The following RAD52 variants were observed in gnomAD, a reference collection of about 807,000 sequenced individuals.
RAD52 encodes the protein RAD52 DNA repair protein, also known as DNA repair protein RAD52 homolog.
In RAD52, 47 loss-of-function variants were observed where a neutral mutation model predicts 55.5. The observed-to-expected ratio is 0.85, with a 90% CI of 0.67 to 1.08. The LOEUF (loss-of-function observed/expected upper bound fraction) is 1.08. RAD52 is among the 50% of genes least tolerant of loss of function. The pLI is 0.00. For synonymous variants in RAD52, 184 were observed against 198.9 expected, an observed-to-expected ratio of 0.92 and a Z score of 0.63; for missense variants, 468 against 522.8, an observed-to-expected ratio of 0.90 and a Z score of 1.02.
At chr12:926,806 C>T (rs1208787405) in intron 6 of RAD52, 10 of 1,536,644 alleles carry the variant, frequency 6.5e-6, no homozygotes, top group South Asian at 2.4e-5. Context: ...CTGTGCGTAG[C>T]GGAGGACTGC....
intron 7 of RAD52, among the ~76,000 whole-genome samples, chr12:920,953 A>G (rs1455934852): frequency 1.3e-5 from 2 of 152,218 alleles, no homozygotes; most frequent in Non-Finnish European, 2.9e-5. Flanking sequence ...TATCTTTTCA[A>G]TCACAATGGA....
intron 1 of RAD52, among the ~76,000 whole-genome samples, chr12:989,436 C>T (rs1592508825): frequency 6.6e-6 from 1 of 152,244 alleles, no homozygotes; most frequent in South Asian, 2.1e-4. Flanking sequence ...TATGGGGTCT[C>T]AGGAAGAAGA....
At chr12:958,421 G>A (rs151257307) in intron 1 of RAD52, among the ~76,000 whole-genome samples, 101 of 152,146 alleles carry the variant, frequency 6.6e-4, no homozygotes, top group African/African-American at 2.1e-3. Context: ...TCACCATGTT[G>A]GCCAGGCTGG....
chr12:914,756 A>C (rs942398366), intron 9 of RAD52, among the ~76,000 whole-genome samples: 1 of 152,180 alleles, frequency 6.6e-6, no homozygotes, highest in Non-Finnish European at 1.5e-5. Context: ...TGGGAAAAAC[A>C]AGTTTCTTTC....
intron 1 of RAD52, chr12:974,165 A>G (rs1471606871): frequency 6.6e-6 from 1 of 152,120 alleles, no homozygotes; most frequent in Non-Finnish European, 1.5e-5. Context: ...TTATTTTTGA[A>G]CACATAAGAC....
intron 1 of RAD52, among the ~76,000 whole-genome samples, chr12:943,545 C>T (rs1351187151): frequency 6.6e-6 from 1 of 152,160 alleles, no homozygotes; most frequent in Non-Finnish European, 1.5e-5. Context: ...GATGGGGTTT[C>T]ACTATATTGC....
intron 1 of RAD52, among the ~76,000 whole-genome samples, chr12:960,922 G>C (rs966127860): frequency 6.6e-6 from 1 of 152,158 alleles, no homozygotes; most frequent in African/African-American, 2.4e-5. Context: ...CTGAAGCCAT[G>C]GGAGTAGGTA....
intron 1 of RAD52, among the ~76,000 whole-genome samples, chr12:937,886 C>T (rs1957721073): frequency 6.6e-6 from 1 of 152,172 alleles, no homozygotes. Flanking sequence ...GGCAGCAGCC[C>T]TCAAATGGTG....
intron 1 of RAD52, among the ~76,000 whole-genome samples, chr12:973,506 C>T (rs1015590728): frequency 1.3e-5 from 2 of 151,480 alleles, no homozygotes; most frequent in Non-Finnish European, 2.9e-5. Flanking sequence ...TAAACACAGT[C>T]TGGCTCTGTT....
chr12:926,610 A>T (rs1957050071), intron 6 of RAD52, among the ~76,000 whole-genome samples: 1 of 152,148 alleles, frequency 6.6e-6, no homozygotes, highest in African/African-American at 2.4e-5. Context: ...TGCCATGATT[A>T]GAAGCTTCCT....
intron 7 of RAD52, among the ~76,000 whole-genome samples, chr12:920,216 C>CAA (rs780558984): frequency 1.5e-5 from 1 of 68,852 alleles, no homozygotes; most frequent in Non-Finnish European, 2.9e-5. Flanking sequence ...GACTCCGTCT[C>CAA]AAAAAAAAAA....
At chr12:979,891 C>T (rs1958988444) in intron 1 of RAD52, among the ~76,000 whole-genome samples, 1 of 151,976 alleles carries the variant, frequency 6.6e-6, no homozygotes, top group South Asian at 2.1e-4. Flanking sequence ...ACTAAAAATA[C>T]AAAAAATTAG....
In RAD52 at chr12:931,293, G is replaced by A. The variant is rs1957316384; in HGVS notation, c.113C>T (p.Ala38Val). Residue 38 changes from alanine to valine, a missense_variant, in exon 3 of 12, where the codon GCC becomes GTC. By Grantham distance (64) the Ala-to-Val change is moderately conservative (BLOSUM62 0). Transcript: ENST00000358495. ...QCQYTAEEYQ[A>V]IQKALRQRLG... is the part of the protein sequence containing the mutation. ...CCTCTGCCTCAGGGCCTTCTGGATGGCCTGGTACTCTTCTGCTGTGTACTG... is the reference window on the plus strand; with the variant it reads ...CCTCTGCCTCAGGGCCTTCTGGATGACCTGGTACTCTTCTGCTGTGTACTG... 1.2e-6 allele frequency: 2 copies of A among 1,610,674 alleles called. No homozygotes were observed. Among genetic ancestry groups the A allele is most frequent in the Non-Finnish European group, 1.7e-6 (2 of 1,178,958 alleles).
chr12:918,742 G>A (rs1481828798), intron 7 of RAD52, among the ~76,000 whole-genome samples: 2 of 151,892 alleles, frequency 1.3e-5, no homozygotes, highest in Admixed American at 6.6e-5. Flanking sequence ...TGCTCAGAGT[G>A]GGAAGGAGGG....
intron 1 of RAD52, chr12:976,501 G>A (rs1958937057): frequency 6.6e-6 from 1 of 152,296 alleles, no homozygotes; most frequent in Non-Finnish European, 1.5e-5. Context: ...AGCCATTTAA[G>A]AAGCCATGCT....
At chr12:930,357 T>G (rs1338573697) in intron 3 of RAD52, among the ~76,000 whole-genome samples, 2 of 151,958 alleles carry the variant, frequency 1.3e-5, no homozygotes, top group African/African-American at 4.8e-5. Flanking sequence ...CCAGCCTAAG[T>G]GACAGAGTGA....
upstream of RAD52, among the ~76,000 whole-genome samples, chr12:952,024 C>T (rs1041840406): frequency 3.9e-5 from 6 of 152,140 alleles, no homozygotes; most frequent in Non-Finnish European, 8.8e-5. Context: ...GGTGCAGTGG[C>T]ACGGTCATAG....
intron 2 of RAD52, among the ~76,000 whole-genome samples, chr12:932,281 G>A: frequency 6.6e-6 from 1 of 152,200 alleles, no homozygotes. Flanking sequence ...GATCACCTGA[G>A]GTCAGGAGTT....
At chr12:924,654 G>A (rs187085196) in intron 7 of RAD52, among the ~76,000 whole-genome samples, 13 of 152,276 alleles carry the variant, frequency 8.5e-5, no homozygotes, top group Admixed American at 5.9e-4. Context: ...TGACTCCAGG[G>A]CTGCCCCACC....
Sources: gnomAD v4.1 joint callset for allele counts (sites outside exome capture counted in the v4.1 genomes callset) on GRCh38, gnomAD v4.1.1 for gene constraint, MANE v1.5 for transcripts, NCBI Gene and HGNC (gene_info 2026-07-23, HGNC 2026-07-21) for gene names.